Variants in TRMT9B observed in about 807,000 individuals in gnomAD.
The protein encoded by TRMT9B is tRNA methyltransferase 9B (putative), also known as probable tRNA methyltransferase 9B.
Under a neutral mutation model 11.5 loss-of-function variants are expected in TRMT9B, and 16 were observed. The observed-to-expected ratio is 1.39, with a 90% confidence interval of 0.94 to 2.11. The LOEUF (loss-of-function observed/expected upper bound fraction) is 2.11, where lower values mean the gene tolerates loss of function less well. Ranked by LOEUF, TRMT9B falls within the 30% of genes most tolerant of loss-of-function variation. The pLI, the probability that TRMT9B is intolerant of heterozygous loss-of-function variation, is 0.00. For missense variants in TRMT9B, 941 were observed against 553.8 expected (o/e 1.70, Z -7.02); for synonymous variants, 274 against 192.4 (o/e 1.42, Z -3.51).
At chr8:12,991,063 A>G in intron 2 of TRMT9B, 32 bp downstream of exon 2, 3 of 1,111,910 alleles carry the variant, frequency 2.7e-6, no homozygotes, top group African/African-American at 3.2e-5. Context: ...TGCAACTCAC[A>G]TACCATGAGG....
chr8:12,964,037 C>G (rs542853936), intron 1 of TRMT9B, among the ~76,000 whole-genome samples: 60 of 152,276 alleles, frequency 3.9e-4, no homozygotes, highest in African/African-American at 1.4e-3. Flanking sequence ...CTGATCTTCT[C>G]GTACATGAAC....
In TRMT9B at chr8:13,027,635, C is replaced by T. The variant is rs1161216733; in HGVS notation, c.*5591C>T. 6.0e-6 allele frequency: 1 copy of T among 167,068 alleles called. No homozygotes were observed. The highest frequency in any genetic ancestry group is 1.5e-5 in the Non-Finnish European group (1 of 68,128). The allele number at this position is 167,068 out of a possible 1,614,324, so 10.3% of individuals were successfully genotyped here. A position where few individuals can be genotyped will look rare whatever the true frequency, so the allele number is the denominator to read the frequency against. ...GCTTTCATAAGAAATTACATAATGACAAGTAATTCCCACATTCCCTAGATA... is the reference window on the plus strand; with the variant it reads ...GCTTTCATAAGAAATTACATAATGATAAGTAATTCCCACATTCCCTAGATA... On this transcript the variant is annotated 3_prime_UTR_variant, in exon 5 of 5. Transcript: ENST00000524591.
At chr8:12,968,231 A>G (rs1803092138) in intron 1 of TRMT9B, among the ~76,000 whole-genome samples, 1 of 152,214 alleles carries the variant, frequency 6.6e-6, no homozygotes, top group Non-Finnish European at 1.5e-5. Flanking sequence ...GAAGACATAC[A>G]TCCCAAGGGA....
intron 1 of TRMT9B, among the ~76,000 whole-genome samples, chr8:12,977,216 C>T (rs971322919): frequency 6.6e-6 from 1 of 152,176 alleles, no homozygotes; most frequent in African/African-American, 2.4e-5. Context: ...TTGCATAATG[C>T]CATGGGCTCA....
intron 2 of TRMT9B, among the ~76,000 whole-genome samples, chr8:12,996,774 C>T (rs1031073145): frequency 6.6e-6 from 1 of 152,012 alleles, no homozygotes; most frequent in Admixed American, 6.5e-5. Context: ...TTTTTCATAA[C>T]CTGAGCGCCC....
intron 4 of TRMT9B, among the ~76,000 whole-genome samples, chr8:13,018,910 C>G (rs893994499): frequency 1.3e-5 from 2 of 152,144 alleles, no homozygotes; most frequent in South Asian, 2.1e-4. Flanking sequence ...ACAAGAAGCA[C>G]AAACATGCAG....
chr8:12,985,125 T>C (rs766704315), intron 1 of TRMT9B, among the ~76,000 whole-genome samples: 3 of 152,172 alleles, frequency 2.0e-5, no homozygotes, highest in Non-Finnish European at 4.4e-5. Flanking sequence ...AACAAAGTGC[T>C]CTCAGGGAGT....
intron 1 of TRMT9B, among the ~76,000 whole-genome samples, chr8:12,969,676 T>C (rs1299644365): frequency 1.3e-5 from 2 of 151,920 alleles, no homozygotes; most frequent in East Asian, 1.9e-4. Flanking sequence ...TCTTTCTTCT[T>C]TTTTTAGAGA....
chr8:13,018,396 C>A (rs1269548262), intron 4 of TRMT9B, among the ~76,000 whole-genome samples: 451 of 133,628 alleles, frequency 3.4e-3, no homozygotes, highest in East Asian at 3.6e-3. Flanking sequence ...GACCCTGTCT[C>A]AAAAAAAAAA....
At chr8:12,993,213 T>C (rs1807689822) in intron 2 of TRMT9B, among the ~76,000 whole-genome samples, 1 of 152,146 alleles carries the variant, frequency 6.6e-6, no homozygotes, top group African/African-American at 2.4e-5. Flanking sequence ...GCAGGTGCTA[T>C]CCCGTAGGCA....
Position 13,020,364 on chromosome 8 carries a change from G to GTCTTACTT in TRMT9B, c.329-643_329-636dup, listed in dbSNP as rs376224054. Reference sequence around the variant, plus strand: ...ACACACTTATGACTTGATAAAGGCAGTCTTACTTGAAGCTCATTTCGACTT... The same window carrying GTCTTACTT: ...ACACACTTATGACTTGATAAAGGCAGTCTTACTTTCTTACTTGAAGCTCATTTCGACTT... On this transcript the variant is annotated intron_variant, in intron 4 of 4. Coordinates refer to ENST00000524591, the MANE Select transcript of TRMT9B (RefSeq NM_020844.3). 1.5e-3 allele frequency among the ~76,000 whole-genome samples: 232 copies of GTCTTACTT among 152,314 alleles called. 1 individual carries two copies. Among genetic ancestry groups the GTCTTACTT allele is most frequent in the African/African-American group, 5.5e-3 (230 of 41,556 alleles).
At chr8:12,999,969 T>C (rs1009528605) in intron 2 of TRMT9B, among the ~76,000 whole-genome samples, 3 of 152,234 alleles carry the variant, frequency 2.0e-5, no homozygotes, top group African/African-American at 7.2e-5. Flanking sequence ...TAACAAGTTG[T>C]CATCTAATAA....
chr8:12,979,480 TA>T (rs3830569), intron 1 of TRMT9B, among the ~76,000 whole-genome samples: 121,673 of 151,658 alleles, frequency 0.8, 48,885 homozygotes, highest in Admixed American at 0.85. Flanking sequence ...CATCTCAAAA[TA>T]AAAAAAAATA....
chr8:13,010,222 T>G (rs1199684634), intron 3 of TRMT9B: 2 of 860,808 alleles, frequency 2.3e-6, no homozygotes, highest in African/African-American at 3.7e-5. Context: ...AATATCTTTT[T>G]GCCAATTTGT....
intron 1 of TRMT9B, chr8:12,952,127 T>C (rs778628025): frequency 6.3e-5 from 28 of 445,780 alleles, no homozygotes; most frequent in Admixed American, 2.2e-4. Context: ...CTTTTGCCCC[T>C]GGCTGCGGGA....
At chr8:13,010,737 C>A in intron 3 of TRMT9B, 4 of 984,138 alleles carry the variant, frequency 4.1e-6, no homozygotes, top group Non-Finnish European at 4.8e-6. Context: ...AAGTATCCCT[C>A]GAGCCAATGA....
chr8:12,963,027 A>G (rs1802338769), intron 1 of TRMT9B, among the ~76,000 whole-genome samples: 1 of 152,246 alleles, frequency 6.6e-6, no homozygotes, highest in Non-Finnish European at 1.5e-5. Context: ...ATTATGATTT[A>G]TCCATTAAAG....
chr8:13,001,079 G>T (rs1809344841), intron 2 of TRMT9B, among the ~76,000 whole-genome samples: 1 of 151,234 alleles, frequency 6.6e-6, no homozygotes, highest in Admixed American at 6.6e-5. Context: ...AAGCATCACG[G>T]ATTCTCATCT....
At chr8:12,946,841 GA>G (rs1396284600) in intron 1 of TRMT9B, among the ~76,000 whole-genome samples, 2 of 152,172 alleles carry the variant, frequency 1.3e-5, no homozygotes, top group Non-Finnish European at 2.9e-5. Context: ...CCCTATAAGA[GA>G]AGAAACCATC....
Sources: gnomAD v4.1 joint callset for allele counts (sites outside exome capture counted in the v4.1 genomes callset) on GRCh38, gnomAD v4.1.1 for gene constraint, MANE v1.5 for transcripts, NCBI Gene and HGNC (gene_info 2026-07-23, HGNC 2026-07-21) for gene names.